Variants in TMEM232 observed in about 807,000 individuals in gnomAD.
TMEM232 encodes the protein transmembrane protein 232.
TMEM232 carries 80 observed loss-of-function variants against 78.8 expected under a neutral mutation model. That is an observed-to-expected ratio of 1.01 (90% CI 0.85 to 1.22). The LOEUF is 1.22. Among genes scored for constraint, TMEM232 ranks in the 50% most tolerant of loss-of-function variants. TMEM232 has a pLI of 0.00. For synonymous variants in TMEM232, 297 were observed against 254.3 expected (o/e 1.17, Z -1.60); for missense variants, 881 against 742.2 (o/e 1.19, Z -2.17).
chr5:110,524,208 G>T (rs1395805237), intron 12 of TMEM232, among the ~76,000 whole-genome samples: 1 of 144,972 alleles, frequency 6.9e-6, no homozygotes, highest in Non-Finnish European at 1.5e-5. Flanking sequence ...GTTGCAGTAA[G>T]CTGAGATCCA....
chr5:110,668,152 C>T (rs1561484200), intron 1 of TMEM232, among the ~76,000 whole-genome samples: 2 of 151,934 alleles, frequency 1.3e-5, no homozygotes, highest in Non-Finnish European at 2.9e-5. Context: ...AAATATGGTA[C>T]CTGAATGAAA....
At chr5:110,440,229 T>C (rs547670276) in intron 12 of TMEM232, among the ~76,000 whole-genome samples, 12 of 152,244 alleles carry the variant, frequency 7.9e-5, no homozygotes, top group African/African-American at 2.6e-4. Flanking sequence ...AGAACAAGTG[T>C]AACTTCTATT....
At chr5:110,457,023 T>A (rs1760984437) in intron 12 of TMEM232, among the ~76,000 whole-genome samples, 1 of 152,086 alleles carries the variant, frequency 6.6e-6, no homozygotes, top group African/African-American at 2.4e-5. Context: ...ATTAATAAAT[T>A]GGACTTCATC....
At chr5:110,500,901 T>C (rs1766195932) in intron 12 of TMEM232, among the ~76,000 whole-genome samples, 1 of 152,190 alleles carries the variant, frequency 6.6e-6, no homozygotes, top group Non-Finnish European at 1.5e-5. Flanking sequence ...TTCATCTAGA[T>C]ATATAAATAG....
Position 110,528,633 on chromosome 5 carries a change from T to G in TMEM232, c.1658A>C (p.Lys553Thr). The G allele has an allele frequency of 2.0e-6, 3 of 1,533,624 alleles. No individual in the cohort carries two copies. Among genetic ancestry groups the G allele is most frequent in the Non-Finnish European group, 2.6e-6 (3 of 1,145,588 alleles). ...IKKDQTKYPN[K>T]KLESVKKQVL... ...TTGCTTTTTCACAGACTCCAGCTTTTTATTTGGATATTTTGTTTGATCCTT... is the reference window on the plus strand; with the variant it reads ...TTGCTTTTTCACAGACTCCAGCTTTGTATTTGGATATTTTGTTTGATCCTT... Residue 553 changes from lysine (K) to threonine (T), a missense_variant, in exon 12 of 14, where the codon AAA becomes ACA. By Grantham distance (78) the Lys-to-Thr change is moderately conservative (BLOSUM62 -1). Coordinates refer to ENST00000455884, the MANE Select transcript of TMEM232 (RefSeq NM_001039763.4).
At chr5:110,684,143 A>G (rs1793098970) in intron 1 of TMEM232, among the ~76,000 whole-genome samples, 1 of 152,056 alleles carries the variant, frequency 6.6e-6, no homozygotes, top group African/African-American at 2.4e-5. Flanking sequence ...TTATCTTAAA[A>G]GCCAGAAACC....
chr5:110,530,115 G>C lies in TMEM232; in HGVS notation c.1456-1280C>G, dbSNP rs188907278. 2.6e-5 allele frequency among the ~76,000 whole-genome samples: 4 copies of C among 152,208 alleles called. No individual in the cohort carries two copies. In the East Asian group the frequency reaches 7.7e-4, roughly 29 times the overall value. ...AACCTCTTTCAGGTTCCAAAATTAG[G>C]CCTGGCTAAATTACTGACGAAAGAC... is the stretch of plus-strand genomic sequence containing the variant. On this transcript the variant is annotated intron_variant, in intron 11 of 13. Coordinates refer to ENST00000455884, the MANE Select transcript of TMEM232 (RefSeq NM_001039763.4).
chr5:110,686,201 G>C (rs780240847), intron 1 of TMEM232, among the ~76,000 whole-genome samples: 1 of 152,090 alleles, frequency 6.6e-6, no homozygotes, highest in Non-Finnish European at 1.5e-5. Flanking sequence ...CAGTGACTTA[G>C]TTGACTAACA....
intron 12 of TMEM232, among the ~76,000 whole-genome samples, chr5:110,456,973 A>C (rs1760978769): frequency 6.6e-6 from 1 of 152,142 alleles, no homozygotes; most frequent in Non-Finnish European, 1.5e-5. Context: ...AAGATTTCTT[A>C]GTTACTATAC....
At chr5:110,446,993 T>C (rs1759723412) in intron 12 of TMEM232, among the ~76,000 whole-genome samples, 1 of 151,772 alleles carries the variant, frequency 6.6e-6, no homozygotes, top group Admixed American at 6.6e-5. Context: ...ACTCTTTAAA[T>C]AAAAATAGGT....
At chr5:110,523,740 C>A (rs1761200027) in intron 12 of TMEM232, among the ~76,000 whole-genome samples, 1 of 151,800 alleles carries the variant, frequency 6.6e-6, no homozygotes, top group South Asian at 2.1e-4. Flanking sequence ...ACTGCTTGAG[C>A]CCAGGAGTTT....
rs149234814 is a variant in TMEM232 at position 110,539,363 on chromosome 5, T to C, written c.1456-10528A>G. Among the ~76,000 whole-genome samples the C allele has an allele frequency of 9.1e-3, 1,388 of 152,310 alleles. 9 individuals carry two copies. The highest frequency in any genetic ancestry group is 0.041 in the Middle Eastern group (12 of 294). On this transcript the variant is annotated intron_variant, in intron 11 of 13. Coordinates refer to ENST00000455884, the MANE Select transcript of TMEM232 (RefSeq NM_001039763.4). ...CCATTCTAAAGCCTTTGGAAGAATA[T>C]TGAAGGCTTATTACATGTTAGTACA...
chr5:110,476,926 G>A (rs557386731), intron 12 of TMEM232, among the ~76,000 whole-genome samples: 6 of 152,092 alleles, frequency 3.9e-5, no homozygotes, highest in Non-Finnish European at 8.8e-5. Context: ...GGATGATAAC[G>A]TAGATGGTGT....
chr5:110,391,888 C>T (rs538239494), intron 3 of TMEM232, among the ~76,000 whole-genome samples: 3 of 152,186 alleles, frequency 2.0e-5, no homozygotes, highest in East Asian at 3.9e-4. Context: ...AATCAAATAG[C>T]GAGGTGCTTA....
chr5:110,595,805 G>A (rs1780088026), intron 10 of TMEM232, among the ~76,000 whole-genome samples: 1 of 152,172 alleles, frequency 6.6e-6, no homozygotes, highest in Non-Finnish European at 1.5e-5. Flanking sequence ...ACTGATTAGT[G>A]TACCTGAAAG....
At chr5:110,399,238 C>A (rs1010846938) in intron 2 of TMEM232, among the ~76,000 whole-genome samples, 2 of 151,988 alleles carry the variant, frequency 1.3e-5, no homozygotes, top group African/African-American at 4.8e-5. Flanking sequence ...ATCCTGCTGT[C>A]AGGAGGAATA....
chr5:110,561,233 T>C (rs1581218002), intron 11 of TMEM232, among the ~76,000 whole-genome samples: 2 of 152,176 alleles, frequency 1.3e-5, no homozygotes, highest in East Asian at 1.9e-4. Context: ...GGCTATCAAA[T>C]TGGCACAAAA....
intron 3 of TMEM232, among the ~76,000 whole-genome samples, chr5:110,396,517 G>A (rs1366107219): frequency 6.6e-6 from 1 of 152,164 alleles, no homozygotes; most frequent in Non-Finnish European, 1.5e-5. Flanking sequence ...GAGATGTGAG[G>A]TATGTTTTGG....
intron 12 of TMEM232, among the ~76,000 whole-genome samples, chr5:110,509,007 T>TATGTATATATATACAATTATATATAC (rs1767356079): frequency 6.9e-6 from 1 of 145,320 alleles, no homozygotes. Context: ...TGTATATATA[T>TATGTATATATATACAATTATATATAC]ATGTATATAT....
Sources: allele counts gnomAD v4.1 joint callset (sites outside exome capture counted in the v4.1 genomes callset), GRCh38; gene constraint gnomAD v4.1.1; transcripts MANE v1.5; gene names NCBI Gene and HGNC (gene_info 2026-07-23, HGNC 2026-07-21).